Variants in ZRANB3 observed in about 807,000 individuals in gnomAD.
ZRANB3 encodes the protein zinc finger RANBP2-type containing 3, also known as DNA annealing helicase and endonuclease ZRANB3.
A neutral mutation model predicts 133.8 loss-of-function variants in ZRANB3; 125 were observed. The ratio of observed to expected loss-of-function variants is 0.93; its 90% CI spans 0.81 to 1.08. ZRANB3 has a LOEUF of 1.08. ZRANB3 is among the 50% of genes least tolerant of loss of function. The pLI, the probability that ZRANB3 is intolerant of heterozygous loss-of-function variation, is 0.00. For missense variants in ZRANB3, 1,229 were observed against 1,275.5 expected (o/e 0.96, Z 0.56); for synonymous variants, 387 against 432.7 (o/e 0.89, Z 1.31).
intron 2 of ZRANB3, among the ~76,000 whole-genome samples, chr2:135,493,188 A>C: frequency 7.9e-6 from 1 of 126,962 alleles, no homozygotes; most frequent in Non-Finnish European, 1.7e-5. Context: ...GAAAAAGGAA[A>C]ACTATAAAGC....
chr2:135,360,502 G>A (rs553750708), intron 3 of ZRANB3, among the ~76,000 whole-genome samples: 5 of 152,048 alleles, frequency 3.3e-5, no homozygotes, highest in South Asian at 4.1e-4. Context: ...TCAGGAGATC[G>A]AGACCATCCT....
intron 2 of ZRANB3, among the ~76,000 whole-genome samples, chr2:135,411,131 T>A (rs1688284015): frequency 6.6e-6 from 1 of 152,098 alleles, no homozygotes; most frequent in African/African-American, 2.4e-5. Flanking sequence ...TCACAGCTAC[T>A]TGGGGGCTGA....
chr2:135,208,842 A>T (rs773272710), intron 18 of ZRANB3, 26 bp downstream of exon 18: 2 of 1,566,550 alleles, frequency 1.3e-6, no homozygotes, highest in African/African-American at 2.7e-5. Flanking sequence ...TAGTACTACT[A>T]TATACTAGTA....
intron 3 of ZRANB3, among the ~76,000 whole-genome samples, chr2:135,359,606 G>T (rs1179705185): frequency 1.4e-5 from 2 of 146,460 alleles, no homozygotes; most frequent in African/African-American, 2.5e-5. Context: ...ACAAAGAAAA[G>T]AAAAAAGAAA....
chr2:135,363,178 CATTT>C (rs1186243987), intron 3 of ZRANB3, among the ~76,000 whole-genome samples: 1 of 152,128 alleles, frequency 6.6e-6, no homozygotes, highest in African/African-American at 2.4e-5. Context: ...AATTCTTATT[CATTT>C]ATTTGAGACA....
At chr2:135,371,598 C>T (rs1686181725) in intron 3 of ZRANB3, among the ~76,000 whole-genome samples, 1 of 152,198 alleles carries the variant, frequency 6.6e-6, no homozygotes, top group Admixed American at 6.5e-5. Flanking sequence ...GGACAGACTT[C>T]TTTAAAATTG....
chr2:135,431,123 AT>A (rs1321790033), intron 2 of ZRANB3, among the ~76,000 whole-genome samples: 43 of 150,814 alleles, frequency 2.9e-4, no homozygotes, highest in African/African-American at 6.8e-4. Context: ...AAAAAAAAAA[AT>A]AAATAAATAA....
chr2:135,324,679 A>C (rs1406293461), intron 6 of ZRANB3, among the ~76,000 whole-genome samples: 1 of 152,162 alleles, frequency 6.6e-6, no homozygotes, highest in Admixed American at 6.5e-5. Flanking sequence ...AATGGTTGAA[A>C]CAGTTTACAG....
chr2:135,218,165 G>A (rs1694389768), intron 16 of ZRANB3, among the ~76,000 whole-genome samples: 1 of 152,158 alleles, frequency 6.6e-6, no homozygotes, highest in African/African-American at 2.4e-5. Flanking sequence ...AGGACATGCA[G>A]TGTATGCCCT....
chr2:135,350,525 A>G (rs752340590), intron 4 of ZRANB3, among the ~76,000 whole-genome samples: 3 of 152,218 alleles, frequency 2.0e-5, no homozygotes, highest in Non-Finnish European at 4.4e-5. Context: ...ATCATGCATA[A>G]AATGGATACT....
chr2:135,524,504 A>G (rs1289281857), intron 1 of ZRANB3, among the ~76,000 whole-genome samples: 1 of 152,230 alleles, frequency 6.6e-6, no homozygotes, highest in Non-Finnish European at 1.5e-5. Flanking sequence ...TTAAGAAGTC[A>G]TATTTGGTAT....
intron 14 of ZRANB3, 59 bp from the exon 15 acceptor site, chr2:135,224,576 T>C: frequency 7.9e-7 from 1 of 1,258,538 alleles, no homozygotes; most frequent in Non-Finnish European, 1.1e-6. Flanking sequence ...TAAAATAGCT[T>C]ATTTTAATCG....
intron 3 of ZRANB3, among the ~76,000 whole-genome samples, chr2:135,377,177 T>A (rs1448429030): frequency 6.6e-6 from 1 of 152,222 alleles, no homozygotes; most frequent in East Asian, 1.9e-4. Context: ...ATACTTAATG[T>A]GTGTGCATAG....
At chr2:135,443,741 A>G (rs1689898109) in intron 2 of ZRANB3, among the ~76,000 whole-genome samples, 2 of 152,188 alleles carry the variant, frequency 1.3e-5, no homozygotes, top group Non-Finnish European at 2.9e-5. Flanking sequence ...TATCAAGGTC[A>G]TGAAGGATAA....
intron 2 of ZRANB3, among the ~76,000 whole-genome samples, chr2:135,399,142 T>TA (rs1687629880): frequency 6.6e-6 from 1 of 152,116 alleles, no homozygotes; most frequent in Non-Finnish European, 1.5e-5. Context: ...GGACCAACAG[T>TA]AAAAAGGCAC....
chr2:135,408,882 A>G (rs527321494), intron 2 of ZRANB3, among the ~76,000 whole-genome samples: 26 of 152,102 alleles, frequency 1.7e-4, no homozygotes, highest in Non-Finnish European at 3.7e-4. Flanking sequence ...GTTAAATGAC[A>G]AATTAGTGGG....
intron 19 of ZRANB3, among the ~76,000 whole-genome samples, chr2:135,203,463 C>T (rs1028781686): frequency 2.4e-4 from 37 of 151,716 alleles, no homozygotes; most frequent in African/African-American, 8.9e-4. Context: ...ACTAAAAATA[C>T]AAAAAATTAG....
In ZRANB3 at chr2:135,476,576, A is replaced by T. The variant is rs577459908; in HGVS notation, c.161+27753T>A. Reference sequence around the variant, plus strand: ...ATGTTTAGATAAAACAAAAGGCAGTACTGTACTTTGTACATTTTCTTAATG... The same window carrying T: ...ATGTTTAGATAAAACAAAAGGCAGTTCTGTACTTTGTACATTTTCTTAATG... On this transcript the variant is annotated intron_variant, in intron 2 of 20. Coordinates refer to ENST00000264159, the MANE Select transcript of ZRANB3 (RefSeq NM_032143.4). Among the ~76,000 whole-genome samples the T allele has an allele frequency of 2.3e-4, 35 of 152,268 alleles. No homozygotes were observed. The South Asian group carries it at 6.4e-3, about 28-fold the overall frequency.
At chr2:135,506,575 A>C (rs1275520612) in intron 1 of ZRANB3, among the ~76,000 whole-genome samples, 4 of 152,240 alleles carry the variant, frequency 2.6e-5, no homozygotes, top group African/African-American at 4.8e-5. Flanking sequence ...ATGTTTAATT[A>C]AAATTAAAAT....
Sources: allele counts gnomAD v4.1 joint callset (sites outside exome capture counted in the v4.1 genomes callset), GRCh38; gene constraint gnomAD v4.1.1; transcripts MANE v1.5; gene names NCBI Gene and HGNC (gene_info 2026-07-23, HGNC 2026-07-21).